DLGAP1: variants seen among roughly 807,000 people sequenced by gnomAD.
DLGAP1 encodes disks large-associated protein 1.
In DLGAP1, 11 loss-of-function variants were observed where a neutral mutation model predicts 90.8. The ratio of observed to expected loss-of-function variants is 0.12; its 90% CI spans 0.08 to 0.20. DLGAP1 has a LOEUF of 0.20. Ranked by LOEUF, DLGAP1 falls within the 10% of genes least tolerant of loss-of-function variation. DLGAP1 has a pLI of 1.00. For missense variants in DLGAP1, 1,050 were observed against 1,333.8 expected (o/e 0.79, Z 3.31); for synonymous variants, 558 against 540.7 (o/e 1.03, Z -0.44).
chr18:3,942,710 G>T (rs1262604634), intron 3 of DLGAP1, among the ~76,000 whole-genome samples: 1 of 152,194 alleles, frequency 6.6e-6, no homozygotes, highest in African/African-American at 2.4e-5. Context: ...TCTGTTCTGG[G>T]CTTTTGCTTT....
intron 3 of DLGAP1, among the ~76,000 whole-genome samples, chr18:3,977,401 G>A (rs1166258260): frequency 6.9e-6 from 1 of 145,286 alleles, no homozygotes; most frequent in Non-Finnish European, 1.5e-5. Context: ...CTAAAATGCT[G>A]AAATGTCAGT....
At chr18:3,570,050 T>C (rs1449319358) in intron 8 of DLGAP1, among the ~76,000 whole-genome samples, 1 of 152,008 alleles carries the variant, frequency 6.6e-6, no homozygotes, top group Admixed American at 6.6e-5. Flanking sequence ...TCATATGCTG[T>C]ACAGGTTTAT....
chr18:3,745,302 A>G (rs1229958796), intron 5 of DLGAP1, among the ~76,000 whole-genome samples: 1 of 152,240 alleles, frequency 6.6e-6, no homozygotes, highest in Non-Finnish European at 1.5e-5. Flanking sequence ...TGAATATATG[A>G]AAATCATTAA....
At chr18:3,751,851 C>T (rs1356847843) in intron 5 of DLGAP1, among the ~76,000 whole-genome samples, 1 of 148,434 alleles carries the variant, frequency 6.7e-6, no homozygotes, top group Non-Finnish European at 1.5e-5. Flanking sequence ...GTGTGAGCCA[C>T]TGTGCCCGGA....
At chr18:4,034,187 G>A (rs934875913) in intron 2 of DLGAP1, among the ~76,000 whole-genome samples, 16 of 151,428 alleles carry the variant, frequency 1.1e-4, no homozygotes, top group East Asian at 7.8e-4. Context: ...GATTACAAGC[G>A]CCCACCACCA....
chr18:3,891,777 AT>A (rs200305269), intron 3 of DLGAP1, among the ~76,000 whole-genome samples: 17 of 151,504 alleles, frequency 1.1e-4, no homozygotes, highest in East Asian at 7.7e-4. Context: ...TAATTTTTAA[AT>A]TTTTTTTTAG....
chr18:3,860,098 C>CAAA lies in DLGAP1; in HGVS notation c.957+19011_957+19013dup, dbSNP rs1169488386. On this transcript the variant is annotated intron_variant, in intron 4 of 12. Transcript: ENST00000315677. The stretch of plus-strand genomic sequence containing the variant: ...TGGGCGACAGAGCGAGACTCTGTCT[C>CAAA]AAAAAATAAATAAATAAATAAATTT... 3.7e-3 allele frequency among the ~76,000 whole-genome samples: 389 copies of CAAA among 104,920 alleles called. 9 individuals are homozygous for CAAA. The highest frequency in any genetic ancestry group is 0.024 in the Middle Eastern group (5 of 208). 68.8% of individuals were successfully genotyped at this position (104,920 alleles called of 152,430 possible).
chr18:4,236,658 T>C (rs1316380519), intron 1 of DLGAP1, among the ~76,000 whole-genome samples: 1 of 152,076 alleles, frequency 6.6e-6, no homozygotes, highest in South Asian at 2.1e-4. Flanking sequence ...TAATGCAATG[T>C]TGTTTATTCC....
chr18:4,350,138 A>C (rs987887776), intron 1 of DLGAP1, among the ~76,000 whole-genome samples: 1 of 152,154 alleles, frequency 6.6e-6, no homozygotes, highest in Admixed American at 6.6e-5. Context: ...TGTATGCTTC[A>C]GATATCTGTT....
At chr18:3,546,091 A>G (rs1312898034) in intron 9 of DLGAP1, among the ~76,000 whole-genome samples, 1 of 152,226 alleles carries the variant, frequency 6.6e-6, no homozygotes, top group Non-Finnish European at 1.5e-5. Flanking sequence ...AGAAGAATTC[A>G]GCAGCTATAC....
intron 3 of DLGAP1, among the ~76,000 whole-genome samples, chr18:3,971,074 T>A (rs1441341945): frequency 2.0e-5 from 3 of 152,196 alleles, no homozygotes; most frequent in African/African-American, 7.2e-5. Context: ...TATTCCAGGT[T>A]ATTGCAACCA....
At chr18:4,205,957 C>T (rs960956873) in intron 1 of DLGAP1, among the ~76,000 whole-genome samples, 2 of 152,058 alleles carry the variant, frequency 1.3e-5, no homozygotes, top group African/African-American at 2.4e-5. Context: ...AACTGTTTAG[C>T]GATTCACCTG....
chr18:3,590,100 G>A (rs1478725184), intron 7 of DLGAP1, among the ~76,000 whole-genome samples: 1 of 152,052 alleles, frequency 6.6e-6, no homozygotes, highest in Non-Finnish European at 1.5e-5. Context: ...AATAGAGATG[G>A]GGTTTCACCA....
intron 5 of DLGAP1, among the ~76,000 whole-genome samples, chr18:3,808,469 G>C (rs1470729840): frequency 6.6e-6 from 1 of 152,120 alleles, no homozygotes; most frequent in African/African-American, 2.4e-5. Context: ...TCGTGTGGCA[G>C]GTTGTATTTT....
chr18:3,617,264 GC>G (rs1157847146), intron 7 of DLGAP1, among the ~76,000 whole-genome samples: 1 of 152,090 alleles, frequency 6.6e-6, no homozygotes. Flanking sequence ...ACTGAGGCTG[GC>G]CTGAGCCCAA....
chr18:3,639,408 C>T (rs1331839175), intron 7 of DLGAP1, among the ~76,000 whole-genome samples: 1 of 112,754 alleles, frequency 8.9e-6, no homozygotes, highest in Non-Finnish European at 1.8e-5. Flanking sequence ...AAAGAAAAAT[C>T]CCCAAAGCTG....
At chr18:3,562,691 C>A (rs1255048512) in intron 9 of DLGAP1, among the ~76,000 whole-genome samples, 1 of 148,726 alleles carries the variant, frequency 6.7e-6, no homozygotes, top group South Asian at 2.1e-4. Context: ...ATTACAGACA[C>A]GCGCCACCAC....
At chr18:4,394,154 C>T (rs1012291326) in intron 1 of DLGAP1, among the ~76,000 whole-genome samples, 1 of 150,616 alleles carries the variant, frequency 6.6e-6, no homozygotes, top group Non-Finnish European at 1.5e-5. Flanking sequence ...AAAGTTTCTG[C>T]ATATGTGAAG....
intron 1 of DLGAP1, among the ~76,000 whole-genome samples, chr18:4,193,143 A>T (rs11878026): frequency 0.12 from 18,733 of 152,154 alleles, 1,354 homozygotes; most frequent in South Asian, 0.27. Context: ...ATAGTCCATG[A>T]GATTTGTTAA....
Sources: gnomAD v4.1 joint callset for allele counts (sites outside exome capture counted in the v4.1 genomes callset) on GRCh38, gnomAD v4.1.1 for gene constraint, MANE v1.5 for transcripts, NCBI Gene and HGNC (gene_info 2026-07-23, HGNC 2026-07-21) for gene names.